GPHN: variants seen among roughly 807,000 people sequenced by gnomAD.
The protein encoded by GPHN is gephyrin.
Under a neutral mutation model 95.5 loss-of-function variants are expected in GPHN, and 17 were observed. The observed-to-expected ratio is 0.18, with a 90% CI of 0.12 to 0.27. The LOEUF (loss-of-function observed/expected upper bound fraction) is 0.27. Ranked by LOEUF, GPHN falls within the 10% of genes least tolerant of loss-of-function variation. The pLI, the probability that GPHN is intolerant of heterozygous loss-of-function variation, is 1.00. For missense variants in GPHN, 660 were observed against 978.1 expected (o/e 0.67, Z 4.34); for synonymous variants, 320 against 322.5 (o/e 0.99, Z 0.08).
chr14:66,689,968 G>C (rs1192060051), intron 2 of GPHN, among the ~76,000 whole-genome samples: 1 of 151,566 alleles, frequency 6.6e-6, no homozygotes, highest in East Asian at 1.9e-4. Context: ...CTAGCTAGTA[G>C]TTTGGCAATT....
In GPHN at chr14:66,675,432, C is replaced by T. The variant is rs528026326; in HGVS notation, c.65-5675C>T. Among the ~76,000 whole-genome samples the T allele has an allele frequency of 5.3e-5, 8 of 152,242 alleles. 1 individual carries two copies. The East Asian group carries it at 1.5e-3, about 29-fold the overall frequency. ...GTGCTGGGATGACAGGTGTGAACCA[C>T]CGCTCCCGGCCCCTTTTTCCAGTTT... On this transcript the variant is annotated intron_variant, in intron 1 of 22. Coordinates refer to ENST00000478722, the MANE Select transcript of GPHN (RefSeq NM_020806.5).
At chr14:67,112,972 T>C in intron 15 of GPHN, 46 bp from the exon 16 acceptor site, 1 of 1,587,304 alleles carries the variant, frequency 6.3e-7, no homozygotes, top group Non-Finnish European at 8.7e-7. Context: ...GTTGAGAAAA[T>C]GTTGTTCTCT....
At chr14:67,579,772 A>C in the GPHN span, 1 of 1,612,896 alleles carries the variant, frequency 6.2e-7, no homozygotes. Context: ...CCAGCGGCTG[A>C]ACCAGGAGAT....
chr14:66,632,366 T>C (rs1323659734), intron 1 of GPHN, among the ~76,000 whole-genome samples: 1 of 152,210 alleles, frequency 6.6e-6, no homozygotes, highest in African/African-American at 2.4e-5. Context: ...TGTTCACATA[T>C]ATTTGATTTT....
At chr14:66,982,608 TA>T (rs2070748635) in intron 9 of GPHN, among the ~76,000 whole-genome samples, 1 of 152,192 alleles carries the variant, frequency 6.6e-6, no homozygotes, top group Non-Finnish European at 1.5e-5. Context: ...AACATCTTGG[TA>T]AAATACTTGT....
intron 9 of GPHN, among the ~76,000 whole-genome samples, chr14:66,965,711 T>C (rs1005586499): frequency 6.6e-6 from 1 of 152,182 alleles, no homozygotes; most frequent in Non-Finnish European, 1.5e-5. Flanking sequence ...ACCAAAGGGA[T>C]TTCTTTAAAC....
intron 10 of GPHN, among the ~76,000 whole-genome samples, chr14:67,029,565 G>A (rs2074088393): frequency 6.6e-6 from 1 of 152,152 alleles, no homozygotes; most frequent in African/African-American, 2.4e-5. Flanking sequence ...TTGAACTCCT[G>A]ACCTCAGGTG....
chr14:67,332,761 T>G, the GPHN span: 1 of 1,596,106 alleles, frequency 6.3e-7, no homozygotes, highest in Non-Finnish European at 8.6e-7. Flanking sequence ...ATCTCACAGT[T>G]TTTATCTTCT....
intron 1 of GPHN, among the ~76,000 whole-genome samples, chr14:66,648,902 A>G (rs2064893203): frequency 6.6e-6 from 1 of 152,208 alleles, no homozygotes; most frequent in Non-Finnish European, 1.5e-5. Context: ...ATGTTCACCT[A>G]AGGAGACTCA....
the GPHN span, chr14:67,301,516 AT>A: frequency 3.6e-6 from 5 of 1,377,508 alleles, no homozygotes; most frequent in South Asian, 1.3e-5. Context: ...GCATTCTTCT[AT>A]TTTTTTAAAT....
chr14:67,022,476 T>G (rs1326898921), intron 9 of GPHN, among the ~76,000 whole-genome samples: 1 of 151,484 alleles, frequency 6.6e-6, no homozygotes, highest in Non-Finnish European at 1.5e-5. Flanking sequence ...TTCCTTCTAG[T>G]ATGTTTAAAA....
chr14:67,671,317 G>A, the GPHN span, among the ~76,000 whole-genome samples: 1 of 152,082 alleles, frequency 6.6e-6, no homozygotes, highest in East Asian at 1.9e-4. Context: ...CTTGAGGTCA[G>A]GAGTTTGAGA....
intron 5 of GPHN, among the ~76,000 whole-genome samples, chr14:66,905,251 C>G (rs1162042399): frequency 6.6e-6 from 1 of 152,066 alleles, no homozygotes; most frequent in Non-Finnish European, 1.5e-5. Context: ...ATATATATCT[C>G]AGTTCCAAGG....
intron 1 of GPHN, among the ~76,000 whole-genome samples, chr14:66,517,315 C>T (rs2058289223): frequency 6.6e-6 from 1 of 152,076 alleles, no homozygotes; most frequent in Non-Finnish European, 1.5e-5. Context: ...TTAACATCCA[C>T]ATTGTAGAAG....
chr14:67,165,221 T>A lies in GPHN; in HGVS notation c.1970T>A (p.Leu657Gln), dbSNP rs141300873. The change falls in exon 20 of 23, where the codon CTA (leucine) becomes CAA (glutamine). Residue 657 changes from leucine to glutamine, a missense_variant. By Grantham distance (113) the Leu-to-Gln change is moderately radical (BLOSUM62 -2). Transcript: ENST00000478722. ...IDGVRKIIFA[L>Q]PGNPVSAVVT... ...GGTGTAAGAAAAATAATCTTTGCACTACCTGGTAAGAATAACAAATTGTTT... is the reference window on the plus strand; with the variant it reads ...GGTGTAAGAAAAATAATCTTTGCACAACCTGGTAAGAATAACAAATTGTTT... The A allele has an allele frequency of 6.3e-7, 1 of 1,596,914 alleles. No individual in the cohort carries two copies. The highest frequency in any genetic ancestry group is 8.6e-7 in the Non-Finnish European group (1 of 1,164,356).
At chr14:67,235,091 G>A in the GPHN span, among the ~76,000 whole-genome samples, 3 of 151,894 alleles carry the variant, frequency 2.0e-5, no homozygotes, top group East Asian at 5.9e-4. Context: ...AGCAGGGAGA[G>A]GTTGCAGTGA....
At chr14:67,123,892 A>G (rs1397102703) in intron 17 of GPHN, among the ~76,000 whole-genome samples, 2 of 152,296 alleles carry the variant, frequency 1.3e-5, no homozygotes, top group East Asian at 3.9e-4. Flanking sequence ...GGCCCAGGAA[A>G]GCCAAAAGAT....
intron 2 of GPHN, among the ~76,000 whole-genome samples, chr14:66,741,214 A>T (rs574998271): frequency 5.3e-5 from 8 of 152,222 alleles, no homozygotes; most frequent in Non-Finnish European, 1.0e-4. Flanking sequence ...AACTTTGAAG[A>T]CGTTCTTGAT....
chr14:67,107,644 G>T (rs2078119426), intron 13 of GPHN, among the ~76,000 whole-genome samples: 1 of 152,172 alleles, frequency 6.6e-6, no homozygotes, highest in Non-Finnish European at 1.5e-5. Context: ...AGTGACCCTA[G>T]ACCCCTGGAT....
Sources: gnomAD v4.1 joint callset for allele counts (sites outside exome capture counted in the v4.1 genomes callset) on GRCh38, gnomAD v4.1.1 for gene constraint, MANE v1.5 for transcripts, NCBI Gene and HGNC (gene_info 2026-07-23, HGNC 2026-07-21) for gene names.